Variants in PLXNA4 observed in about 807,000 individuals in gnomAD.
PLXNA4 encodes plexin A4, also known as plexin-A4.
Under a neutral mutation model 191.8 loss-of-function variants are expected in PLXNA4, and 44 were observed. That is an observed-to-expected ratio of 0.23 (90% confidence interval 0.18 to 0.29). The LOEUF (loss-of-function observed/expected upper bound fraction) is 0.29, where lower values mean the gene tolerates loss of function less well. PLXNA4 is among the 10% of genes least tolerant of loss of function. PLXNA4 has a pLI of 1.00. For synonymous variants in PLXNA4, 1,082 were observed against 1,009.5 expected (o/e 1.07, Z -1.36); for missense variants, 1,800 against 2,488.8 (o/e 0.72, Z 5.89).
At chr7:132,215,637 C>T (rs768484467) in intron 9 of PLXNA4, among the ~76,000 whole-genome samples, 4 of 152,190 alleles carry the variant, frequency 2.6e-5, no homozygotes, top group Non-Finnish European at 5.9e-5. Flanking sequence ...CACTTCAGCC[C>T]TCTCCTCTGG....
chr7:132,216,359 C>T (rs2116924680), intron 9 of PLXNA4, among the ~76,000 whole-genome samples: 1 of 152,274 alleles, frequency 6.6e-6, no homozygotes, highest in South Asian at 2.1e-4. Context: ...ATAATAATAC[C>T]TGCAAAACTA....
intron 1 of PLXNA4, among the ~76,000 whole-genome samples, chr7:132,647,651 A>C (rs1420831370): frequency 1.3e-5 from 2 of 151,750 alleles, no homozygotes; most frequent in Non-Finnish European, 2.9e-5. Context: ...ATACACACTC[A>C]TACACTCACA....
Position 132,227,521 on chromosome 7 carries a change from C to T in PLXNA4, c.1812G>A (p.Leu604=). The T allele has an allele frequency of 6.2e-7, 1 of 1,614,190 alleles. No homozygotes were observed. Among genetic ancestry groups the T allele is most frequent in the Non-Finnish European group, 8.5e-7 (1 of 1,180,042 alleles). ...AGCACTGGATCTGATTGCCCACGAC[C>T]AGCCCATCCATCTCTGACAGGTCCT... ...TFEDLSEMDG[L]VVGNQIQCYS... Residue 604 remains leucine, a synonymous_variant, in exon 7 of 32, where the codon CTG becomes CTA. Transcript: ENST00000321063.
chr7:132,325,648 G>C (rs2116663494), intron 3 of PLXNA4, among the ~76,000 whole-genome samples: 1 of 152,254 alleles, frequency 6.6e-6, no homozygotes, highest in South Asian at 2.1e-4. Context: ...GCACAAAGGA[G>C]AGGCAAGGAA....
intron 5 of PLXNA4, among the ~76,000 whole-genome samples, chr7:132,238,886 A>G (rs1798790699): frequency 6.6e-6 from 1 of 151,826 alleles, no homozygotes. Flanking sequence ...CCTACACTAC[A>G]TTTCCCAGTG....
chr7:132,517,463 C>G (rs1002013014), intron 1 of PLXNA4, among the ~76,000 whole-genome samples: 1 of 152,180 alleles, frequency 6.6e-6, no homozygotes, highest in Admixed American at 6.5e-5. Flanking sequence ...AGAAAGAAAC[C>G]TTTACTGTGA....
At chr7:132,193,898 G>A (rs568352923) in intron 14 of PLXNA4, among the ~76,000 whole-genome samples, 164 bp downstream of exon 14, 24 of 152,322 alleles carry the variant, frequency 1.6e-4, no homozygotes, top group African/African-American at 5.1e-4. Context: ...GACTTCAAAG[G>A]CTGTGCTCTC....
Position 132,174,785 on chromosome 7 carries a change from TC to T in PLXNA4, c.4009del (p.Asp1337ThrfsTer16). On this transcript the variant is annotated frameshift_variant, in exon 21 of 32. Coordinates refer to ENST00000321063, the MANE Select transcript of PLXNA4 (RefSeq NM_020911.2). LOFTEE classifies it high-confidence loss of function. The stretch of plus-strand genomic sequence containing the variant: ...TGGAGCACTGCTTCTCACCTCAAGG[TC>T]CCGGAGGACAGGGTGGTCTTCAATT... ...PGIEDHPVLR[D>X]LEVPGYRQER... 6.2e-7 allele frequency: 1 copy of T among 1,613,952 alleles called. No individual in the cohort carries two copies. The highest frequency in any genetic ancestry group is 8.5e-7 in the Non-Finnish European group (1 of 1,179,846).
In PLXNA4 at chr7:132,299,779, T is replaced by C. The variant is rs113912036; in HGVS notation, c.1372-1557A>G. On this transcript the variant is annotated intron_variant, in intron 3 of 31. Coordinates refer to ENST00000321063, the MANE Select transcript of PLXNA4 (RefSeq NM_020911.2). ...GATGAGCATAAACAAACCAGCTTGA[T>C]CTTACTCTCTGCCACAGTGATTAAG... Among the ~76,000 whole-genome samples, 179 of 152,254 alleles carry C rather than the reference T, an allele frequency of 1.2e-3. 1 individual carries two copies. The highest frequency in any genetic ancestry group is 4.2e-3 in the African/African-American group (176 of 41,538).
intron 3 of PLXNA4, among the ~76,000 whole-genome samples, chr7:132,448,867 G>C (rs1796008730): frequency 6.6e-6 from 1 of 152,162 alleles, no homozygotes; most frequent in African/African-American, 2.4e-5. Flanking sequence ...TTCTTATGTA[G>C]AAATATCTAT....
intron 3 of PLXNA4, among the ~76,000 whole-genome samples, chr7:132,478,319 GGT>G (rs2117460458): frequency 6.6e-6 from 1 of 152,294 alleles, no homozygotes; most frequent in East Asian, 1.9e-4. Context: ...AAATATTCCA[GGT>G]ATGCTAACCT....
In PLXNA4 at chr7:132,635,290, G is replaced by T. The variant is rs528172927; in HGVS notation, c.-87+10638C>A. 2.4e-3 allele frequency among the ~76,000 whole-genome samples: 363 copies of T among 151,314 alleles called. 16 individuals are homozygous for T. In the South Asian group the frequency reaches 0.067, roughly 28 times the overall value. On this transcript the variant is annotated intron_variant, in intron 2 of 4. Transcript: ENST00000378539. The stretch of plus-strand genomic sequence containing the variant: ...CATGTGTCCACTGCTTCCTCCTTGG[G>T]GTCAAAGGTCATAGCGTACTTAGTT...
At chr7:132,645,313 G>A (rs939407657) in intron 2 of PLXNA4, among the ~76,000 whole-genome samples, 25 of 152,134 alleles carry the variant, frequency 1.6e-4, no homozygotes, top group African/African-American at 5.3e-4. Flanking sequence ...GCAGTTTTCC[G>A]CATGCTGTTC....
chr7:132,194,953 A>G (rs752843707), intron 13 of PLXNA4, among the ~76,000 whole-genome samples: 6 of 151,796 alleles, frequency 4.0e-5, no homozygotes, highest in Non-Finnish European at 8.8e-5. Flanking sequence ...ATATATATCT[A>G]TGTATATATG....
At chr7:132,430,128 A>G (rs764337546) in intron 3 of PLXNA4, among the ~76,000 whole-genome samples, 1 of 152,208 alleles carries the variant, frequency 6.6e-6, no homozygotes, top group Non-Finnish European at 1.5e-5. Context: ...GTCTTCTCCT[A>G]CTGCCTCTCC....
At chr7:132,592,345 G>A (rs1414415756) in intron 2 of PLXNA4, among the ~76,000 whole-genome samples, 1 of 152,084 alleles carries the variant, frequency 6.6e-6, no homozygotes, top group African/African-American at 2.4e-5. Context: ...GAGTCATGAG[G>A]TCACTTAGCG....
chr7:132,141,709 G>T (rs1223695448), intron 29 of PLXNA4, among the ~76,000 whole-genome samples: 2 of 152,100 alleles, frequency 1.3e-5, no homozygotes, highest in African/African-American at 4.8e-5. Flanking sequence ...TTTAAAACTT[G>T]TGTAAGTCTT....
At position 132,553,084 on chromosome 7, in the gene PLXNA4, C is replaced by T. The variant is rs557927148; in HGVS notation, c.-87+23338G>A. On this transcript the variant is annotated intron_variant, in intron 1 of 31. Transcript: ENST00000321063. ...GGAAAAGCCAGTATCTCTGGGTGGA[C>T]CTCACAGGCAGAAAACCTGCTGCTC... Among the ~76,000 whole-genome samples, 6 of 152,262 alleles carry T rather than the reference C, an allele frequency of 3.9e-5. No homozygotes were observed. In the East Asian group the frequency reaches 1.2e-3, roughly 30 times the overall value.
intron 4 of PLXNA4, among the ~76,000 whole-genome samples, chr7:132,258,964 T>C (rs550595514): frequency 1.2e-4 from 19 of 152,368 alleles, no homozygotes; most frequent in Non-Finnish European, 2.5e-4. Context: ...AAGGGTTTGA[T>C]GCAACATTAA....
Sources: allele counts gnomAD v4.1 joint callset (sites outside exome capture counted in the v4.1 genomes callset), GRCh38; gene constraint gnomAD v4.1.1; transcripts MANE v1.5; gene names NCBI Gene and HGNC (gene_info 2026-07-23, HGNC 2026-07-21).